TULP4: variants seen among roughly 807,000 people sequenced by gnomAD.
The protein encoded by TULP4 is TUB like protein 4.
A neutral mutation model predicts 129.0 loss-of-function variants in TULP4; 16 were observed. That is an observed-to-expected ratio of 0.12 (90% CI 0.08 to 0.19). TULP4 has a LOEUF of 0.19. TULP4 is among the 10% of genes least tolerant of loss of function. The pLI, the probability that TULP4 is intolerant of heterozygous loss-of-function variation, is 1.00. For missense variants in TULP4, 1,842 were observed against 2,059.1 expected (o/e 0.89, Z 2.04); for synonymous variants, 998 against 854.0 (o/e 1.17, Z -2.94).
At chr6:158,474,595 C>T (rs886589529) in intron 6 of TULP4, among the ~76,000 whole-genome samples, 3 of 152,232 alleles carry the variant, frequency 2.0e-5, no homozygotes, top group African/African-American at 7.2e-5. Flanking sequence ...TGCTGTTGCT[C>T]TGGCTCTCGC....
intron 8 of TULP4, chr6:158,481,644 A>C (rs1045557927): frequency 1.3e-5 from 4 of 307,462 alleles, no homozygotes; most frequent in African/African-American, 8.4e-5. Flanking sequence ...ACTTGAAAAT[A>C]ATAACAAGAT....
At chr6:158,271,755 G>C (rs1439288569) in intron 1 of TULP4, among the ~76,000 whole-genome samples, 2 of 152,126 alleles carry the variant, frequency 1.3e-5, no homozygotes, top group Non-Finnish European at 2.9e-5. Flanking sequence ...TGAAACGGTA[G>C]CTTTGATTCA....
intron 2 of TULP4, among the ~76,000 whole-genome samples, chr6:158,422,062 T>C (rs1583858228): frequency 6.6e-6 from 1 of 152,166 alleles, no homozygotes; most frequent in Non-Finnish European, 1.5e-5. Context: ...GTATTTATCT[T>C]AAAATATTAT....
intron 1 of TULP4, among the ~76,000 whole-genome samples, chr6:158,274,187 G>C (rs930727709): frequency 6.6e-6 from 1 of 152,092 alleles, no homozygotes; most frequent in Admixed American, 6.5e-5. Flanking sequence ...GAACCCGGGA[G>C]GTGGAGGTTG....
In TULP4 at chr6:158,313,273, A is replaced by C. The variant is rs747832550; in HGVS notation, c.-744A>C. 9 of 382,954 alleles carry C rather than the reference A, an allele frequency of 2.4e-5. No individual in the cohort carries two copies. Among genetic ancestry groups the C allele is most frequent in the Non-Finnish European group, 4.1e-5 (9 of 217,080 alleles). The allele number at this position is 382,954 out of a possible 1,614,324, so 23.7% of individuals were successfully genotyped here. ...CGATGGAGCCCTGCGTTCCCCGGGG[A>C]CACAGGGCCAAGCTTTGAGGTGGAA... On this transcript the variant is annotated 5_prime_UTR_variant, in exon 1 of 14. Coordinates refer to ENST00000367097, the MANE Select transcript of TULP4 (RefSeq NM_020245.5).
At chr6:158,452,343 C>A in intron 5 of TULP4, 75 bp downstream of exon 5, 3 of 1,562,220 alleles carry the variant, frequency 1.9e-6, no homozygotes, top group South Asian at 1.2e-5. Context: ...GTCTTGTACA[C>A]TCTGTGCTTA....
At chr6:158,381,766 A>T (rs1466903321) in intron 1 of TULP4, among the ~76,000 whole-genome samples, 1 of 152,230 alleles carries the variant, frequency 6.6e-6, no homozygotes, top group African/African-American at 2.4e-5. Flanking sequence ...TAATGACAAT[A>T]GTTTCATTTA....
intron 8 of TULP4, among the ~76,000 whole-genome samples, chr6:158,483,435 C>T (rs1200919131): frequency 1.3e-5 from 2 of 152,074 alleles, no homozygotes; most frequent in African/African-American, 2.4e-5. Context: ...CAGGTTCAAG[C>T]GATCCTCCCA....
intron 1 of TULP4, among the ~76,000 whole-genome samples, chr6:158,380,689 T>A (rs1777300415): frequency 6.7e-6 from 1 of 149,146 alleles, no homozygotes; most frequent in South Asian, 2.1e-4. Context: ...AGGTCAGGAG[T>A]TCGAGACCAG....
Position 158,493,859 on chromosome 6 carries a change from C to A in TULP4, c.1776+142C>A. The stretch of plus-strand genomic sequence containing the variant: ...TCCACATCCTGCACACCACCTACTA[C>A]CTCAGGAGTAGCCCTCAGGTGGAGC... On this transcript the variant is annotated intron_variant, in intron 10 of 13. Transcript: ENST00000367097. The surrounding 1 kb of genome is among the most constrained non-coding windows in gnomAD (Gnocchi z 4.4). 1 of 929,054 alleles carries A rather than the reference C, an allele frequency of 1.1e-6. No individual in the cohort carries two copies. The highest frequency in any genetic ancestry group is 1.5e-6 in the Non-Finnish European group (1 of 665,566). 57.6% of individuals were successfully genotyped at this position (929,054 alleles called of 1,614,324 possible).
At chr6:158,317,960 T>G (rs571759163) in intron 1 of TULP4, among the ~76,000 whole-genome samples, 1 of 152,346 alleles carries the variant, frequency 6.6e-6, no homozygotes, top group South Asian at 2.1e-4. Flanking sequence ...TGTCCCCTTT[T>G]GAGAAGTGTC....
intron 1 of TULP4, among the ~76,000 whole-genome samples, chr6:158,335,432 T>G (rs909177913): frequency 3.5e-4 from 44 of 125,328 alleles, no homozygotes; most frequent in African/African-American, 1.2e-3. Flanking sequence ...TGCTTTTAGT[T>G]TTTTGATCTT....
chr6:158,317,059 A>G (rs1583738906), intron 1 of TULP4, among the ~76,000 whole-genome samples: 1 of 152,176 alleles, frequency 6.6e-6, no homozygotes, highest in African/African-American at 2.4e-5. Context: ...TGTGCATACC[A>G]GGGGGTGTGG....
intron 3 of TULP4, chr6:158,438,053 A>T (rs1778790794): frequency 6.6e-6 from 1 of 152,318 alleles, no homozygotes; most frequent in African/African-American, 2.4e-5. Flanking sequence ...TAGCCACCAC[A>T]CTTCAGCCTG....
Position 158,413,044 on chromosome 6 carries a change from GTCT to G in TULP4, c.253-16_253-14del, listed in dbSNP as rs764853469. 2 of 1,597,514 alleles carry G rather than the reference GTCT, an allele frequency of 1.3e-6. No individual in the cohort carries two copies. Among genetic ancestry groups the G allele is most frequent in the South Asian group, 1.1e-5 (1 of 90,052 alleles). ...CACAGATTTATTTCCTGTGGTAAAT[GTCT>G]TCTTGGTGGTTTTCTAGGTTGTGCT... On this transcript the variant is annotated intron_variant, in intron 1 of 13. Coordinates refer to ENST00000367097, the MANE Select transcript of TULP4 (RefSeq NM_020245.5). This position sits in a 1 kb window ranked among gnomAD's most constrained non-coding sequence, Gnocchi z 4.9.
At chr6:158,276,544 A>C (rs1463207865) in intron 1 of TULP4, among the ~76,000 whole-genome samples, 1 of 151,702 alleles carries the variant, frequency 6.6e-6, no homozygotes, top group Non-Finnish European at 1.5e-5. Flanking sequence ...AGCAACAAAA[A>C]CGTGTTCTTA....
chr6:158,346,786 A>G (rs987394305), intron 1 of TULP4, among the ~76,000 whole-genome samples: 1 of 146,660 alleles, frequency 6.8e-6, no homozygotes. Context: ...TCCTTCTTGA[A>G]GGTTTACATT....
intron 1 of TULP4, among the ~76,000 whole-genome samples, chr6:158,329,588 T>C (rs577772975): frequency 2.0e-5 from 3 of 152,314 alleles, no homozygotes; most frequent in African/African-American, 7.2e-5. Context: ...TATGAGTTAA[T>C]GTTTAGGACT....
rs1342257797 is a variant in TULP4, at chr6:158,240,788, G to A, written n.68+8485G>A. Among the ~76,000 whole-genome samples, 4 of 146,194 alleles carry A rather than the reference G, an allele frequency of 2.7e-5. No individual in the cohort carries two copies. In the East Asian group the frequency reaches 6.5e-4, roughly 24 times the overall value. On this transcript the variant is annotated intron_variant and non_coding_transcript_variant, in intron 1 of 1. Coordinates refer to the TULP4 transcript ENST00000620026. ...CCTCCCGGTCGGCACGGCTGGCCAG[G>A]CGGGGGGCTGAACCCCCCACCTCCC...
Sources: allele counts gnomAD v4.1 joint callset (sites outside exome capture counted in the v4.1 genomes callset), GRCh38; gene constraint gnomAD v4.1.1; non-coding constraint Gnocchi (gnomAD v3.1); transcripts MANE v1.5; gene names NCBI Gene and HGNC (gene_info 2026-07-23, HGNC 2026-07-21).